The following RAB23 variants were observed in gnomAD, a reference collection of about 807,000 sequenced individuals.
RAB23 encodes ras-related protein Rab-23.
RAB23 carries 15 observed loss-of-function variants against 30.0 expected under a neutral mutation model. The observed-to-expected ratio is 0.50, with a 90% CI of 0.33 to 0.77. The LOEUF is 0.77. Ranked by LOEUF, RAB23 falls within the 30% of genes least tolerant of loss-of-function variation. The probability of loss-of-function intolerance (pLI) is 0.02; values close to 1 mark genes in which losing one functional copy is unlikely to be tolerated. For missense variants in RAB23, 243 were observed against 275.4 expected, an observed-to-expected ratio of 0.88 and a Z score of 0.83; for synonymous variants, 93 against 94.0, an observed-to-expected ratio of 0.99 and a Z score of 0.06.
chr6:57,187,846 G>C lies in RAB23; in HGVS notation c.*2615C>G, dbSNP rs1446304075. On this transcript the variant is annotated 3_prime_UTR_variant, in exon 7 of 7. Transcript: ENST00000468148. ...GGAAAAAGTTTTCATCCTCTTTTTG[G>C]TAGTTTTAGCTTTATTTTGAAAAAG... is the stretch of plus-strand genomic sequence containing the variant. The C allele has an allele frequency of 6.6e-6, 1 of 151,826 alleles. No homozygotes were observed. The highest frequency in any genetic ancestry group is 1.5e-5 in the Non-Finnish European group (1 of 67,956). 9.4% of individuals were successfully genotyped at this position (151,826 alleles called of 1,614,324 possible).
intron 1 of RAB23, among the ~76,000 whole-genome samples, chr6:57,214,596 G>A (rs767682427): frequency 2.6e-5 from 4 of 152,234 alleles, no homozygotes; most frequent in East Asian, 1.9e-4. Context: ...GAGCCACTGC[G>A]CCCAGCCCAC....
intron 1 of RAB23, among the ~76,000 whole-genome samples, chr6:57,220,103 A>G (rs1031706503): frequency 2.0e-5 from 3 of 152,194 alleles, no homozygotes; most frequent in African/African-American, 7.2e-5. Context: ...TGGGCAAGAG[A>G]CTTTGCCAGA....
chr6:57,217,696 A>C (rs1765902549), intron 1 of RAB23, among the ~76,000 whole-genome samples: 1 of 152,202 alleles, frequency 6.6e-6, no homozygotes, highest in African/African-American at 2.4e-5. Flanking sequence ...CTCAAGAACT[A>C]GAAGAAGAGC....
chr6:57,211,419 C>T (rs1278354337), intron 1 of RAB23, among the ~76,000 whole-genome samples: 4 of 152,078 alleles, frequency 2.6e-5, no homozygotes, highest in African/African-American at 9.6e-5. Flanking sequence ...ATGGTCACGC[C>T]ACTGTACTCC....
intron 3 of RAB23, among the ~76,000 whole-genome samples, chr6:57,197,183 A>C (rs542337623): frequency 6.6e-6 from 1 of 152,228 alleles, no homozygotes; most frequent in South Asian, 2.1e-4. Context: ...AATACCAGTG[A>C]TCCTAAGGAA....
At chr6:57,200,500 G>A (rs956071630) in intron 3 of RAB23, among the ~76,000 whole-genome samples, 4 of 133,088 alleles carry the variant, frequency 3.0e-5, no homozygotes, top group South Asian at 4.8e-4. Flanking sequence ...CCATGCCATC[G>A]CACTCCAGCT....
intron 1 of RAB23, among the ~76,000 whole-genome samples, chr6:57,216,552 G>A (rs1375418002): frequency 6.6e-6 from 1 of 152,148 alleles, no homozygotes; most frequent in Admixed American, 6.5e-5. Flanking sequence ...AGCCCAGGAG[G>A]CCACGTGGGT....
rs1764648090 is a variant in RAB23, at chr6:57,187,515, T to C, written c.*2946A>G. 1.3e-5 allele frequency: 2 copies of C among 152,174 alleles called. No homozygotes were observed. The highest frequency in any genetic ancestry group is 2.9e-5 in the Non-Finnish European group (2 of 68,014). The allele number at this position is 152,174 out of a possible 1,614,324, so 9.4% of individuals were successfully genotyped here. ...GTGGAACAAGCTTTCACCTCATCAA[T>C]GCATTTTGTTTTCAGAGAAACAGAC... On this transcript the variant is annotated 3_prime_UTR_variant, in exon 7 of 7. Transcript: ENST00000468148.
chr6:57,216,383 G>C (rs1765837099), intron 1 of RAB23, among the ~76,000 whole-genome samples: 1 of 152,060 alleles, frequency 6.6e-6, no homozygotes, highest in Non-Finnish European at 1.5e-5. Flanking sequence ...AATCAAAATG[G>C]AATTCTAAAA....
chr6:57,193,768 A>C, intron 6 of RAB23, 74 bp downstream of exon 6: 1 of 1,538,906 alleles, frequency 6.5e-7, no homozygotes, highest in South Asian at 1.2e-5. Flanking sequence ...CACATTTCTG[A>C]AAGAAATGAG....
intron 1 of RAB23, 36 bp downstream of exon 1, chr6:57,221,690 C>T (rs1766066269): frequency 6.6e-6 from 1 of 152,326 alleles, no homozygotes; most frequent in African/African-American, 2.4e-5. Context: ...CGCTCCACCC[C>T]TCTTTCCCGC....
In RAB23 at chr6:57,213,606, G is replaced by A. The variant is rs186239097; in HGVS notation, c.-65-3161C>T. Among the ~76,000 whole-genome samples, 16 of 152,260 alleles carry A rather than the reference G, an allele frequency of 1.1e-4. No individual in the cohort carries two copies. The East Asian group carries it at 3.1e-3, about 29-fold the overall frequency. Reference sequence around the variant, plus strand: ...CTTCAGACACTTTTGCTTCTGAAATGATACACATTTTTCCCTATTCCTTCC... The same window carrying A: ...CTTCAGACACTTTTGCTTCTGAAATAATACACATTTTTCCCTATTCCTTCC... On this transcript the variant is annotated intron_variant, in intron 1 of 6. Transcript: ENST00000468148.
intron 2 of RAB23, 39 bp from the exon 3 acceptor site, chr6:57,207,752 A>G: frequency 7.3e-7 from 1 of 1,371,194 alleles, no homozygotes; most frequent in Non-Finnish European, 1.0e-6. Context: ...TGTAAAGGAA[A>G]ATGTTTTTGG....
chr6:57,196,712 A>G (rs1219137552), intron 3 of RAB23, 106 bp from the exon 4 acceptor site: 2 of 1,403,772 alleles, frequency 1.4e-6, no homozygotes, highest in East Asian at 2.5e-5. Flanking sequence ...ACTTTTATCC[A>G]TTCAAAACAA....
At chr6:57,202,772 A>T (rs1765314539) in intron 3 of RAB23, among the ~76,000 whole-genome samples, 1 of 152,214 alleles carries the variant, frequency 6.6e-6, no homozygotes, top group Admixed American at 6.5e-5. Flanking sequence ...TTCTAATGGA[A>T]CCCCAAAGAG....
At chr6:57,191,450 T>C (rs1764837769) in intron 6 of RAB23, among the ~76,000 whole-genome samples, 1 of 152,184 alleles carries the variant, frequency 6.6e-6, no homozygotes, top group African/African-American at 2.4e-5. Flanking sequence ...TACGATAATT[T>C]TTATTTATTT....
At chr6:57,191,377 T>G (rs370478725) in intron 6 of RAB23, among the ~76,000 whole-genome samples, 3 of 152,344 alleles carry the variant, frequency 2.0e-5, no homozygotes, top group East Asian at 3.9e-4. Flanking sequence ...TTGTGGCATA[T>G]TCTACACAAT....
chr6:57,220,638 A>C (rs1037644343), intron 1 of RAB23, among the ~76,000 whole-genome samples: 3 of 152,236 alleles, frequency 2.0e-5, no homozygotes, highest in African/African-American at 7.2e-5. Context: ...AGTGAAAAAA[A>C]GCTAACATCG....
intron 3 of RAB23, among the ~76,000 whole-genome samples, chr6:57,200,524 G>A (rs1165801371): frequency 1.6e-5 from 2 of 127,820 alleles, no homozygotes; most frequent in African/African-American, 6.1e-5. Flanking sequence ...GTGACAGAGT[G>A]AGACTCTGTC....
Sources: allele counts gnomAD v4.1 joint callset (sites outside exome capture counted in the v4.1 genomes callset), GRCh38; gene constraint gnomAD v4.1.1; transcripts MANE v1.5; gene names NCBI Gene and HGNC (gene_info 2026-07-23, HGNC 2026-07-21).